Variants in EYS observed in about 807,000 individuals in gnomAD.
EYS encodes EGF-like photoreceptor maintenance factor.
EYS carries 250 observed loss-of-function variants against 282.1 expected under a neutral mutation model. The observed-to-expected ratio is 0.89, with a 90% CI of 0.80 to 0.98. The LOEUF is 0.98. EYS is among the 50% of genes least tolerant of loss of function. EYS has a pLI of 0.00. For synonymous variants in EYS, 1,355 were observed against 1,282.9 expected (o/e 1.06, Z -1.20); for missense variants, 4,016 against 3,709.0 (o/e 1.08, Z -2.15).
chr6:65,002,380 G>A lies in EYS; in HGVS notation c.2138-4677C>T, dbSNP rs564140832. Among the ~76,000 whole-genome samples the A allele has an allele frequency of 1.1e-3, 154 of 143,418 alleles. 9 individuals carry two copies. The highest frequency in any genetic ancestry group is 3.3e-3 in the African/African-American group (137 of 41,184). The allele number at this position is 143,418 out of a possible 152,430, so 94.1% of individuals were successfully genotyped here. ...TTATATCAAGAGCAGCAAAAATATG[G>A]CATATAGTCCACAGAACTGTTTTGC... On this transcript the variant is annotated intron_variant, in intron 13 of 42. Coordinates refer to ENST00000503581, the MANE Select transcript of EYS (RefSeq NM_001142800.2).
chr6:64,896,509 G>A (rs949791906), intron 18 of EYS, among the ~76,000 whole-genome samples: 15 of 150,666 alleles, frequency 1.0e-4, no homozygotes, highest in Middle Eastern at 3.4e-3. Flanking sequence ...CTGGGTGGCC[G>A]TTTGGGCAGA....
At chr6:64,632,101 A>T (rs1256695536) in intron 22 of EYS, among the ~76,000 whole-genome samples, 2 of 151,988 alleles carry the variant, frequency 1.3e-5, no homozygotes, top group African/African-American at 2.4e-5. Context: ...TCAACTTTAA[A>T]ATATTAACTC....
At chr6:64,451,430 A>G (rs1203353523) in intron 26 of EYS, among the ~76,000 whole-genome samples, 2 of 152,210 alleles carry the variant, frequency 1.3e-5, no homozygotes, top group African/African-American at 4.8e-5. Flanking sequence ...TACCAGAGGT[A>G]CAAGGAGGAG....
chr6:64,636,542 T>A (rs1582982037), intron 22 of EYS, among the ~76,000 whole-genome samples: 1 of 152,168 alleles, frequency 6.6e-6, no homozygotes, highest in African/African-American at 2.4e-5. Flanking sequence ...AAGGACTTCA[T>A]GTCTAAAACA....
At chr6:64,781,576 CAAA>C (rs5876923) in intron 22 of EYS, among the ~76,000 whole-genome samples, 5 of 87,710 alleles carry the variant, frequency 5.7e-5, no homozygotes, top group South Asian at 3.8e-4. Context: ...GACTCCGTCT[CAAA>C]AAAAAAAAAA....
chr6:65,362,700 C>G (rs1764759873), intron 8 of EYS, among the ~76,000 whole-genome samples: 1 of 151,828 alleles, frequency 6.6e-6, no homozygotes, highest in South Asian at 2.1e-4. Flanking sequence ...AGTTTCTTCC[C>G]CTTCTTAAAT....
At chr6:65,492,896 T>A (rs947590018) in intron 4 of EYS, among the ~76,000 whole-genome samples, 1 of 152,012 alleles carries the variant, frequency 6.6e-6, no homozygotes, top group African/African-American at 2.4e-5. Context: ...CTTATTGAGG[T>A]CTTCTATTAC....
At chr6:65,619,867 C>A (rs201418863) in intron 2 of EYS, among the ~76,000 whole-genome samples, 4 of 142,262 alleles carry the variant, frequency 2.8e-5, no homozygotes, top group African/African-American at 7.3e-5. Flanking sequence ...TATTGATTTG[C>A]GTATGTTGAA....
intron 13 of EYS, among the ~76,000 whole-genome samples, chr6:65,055,098 C>CA (rs779034259): frequency 1.3e-5 from 2 of 152,040 alleles, no homozygotes; most frequent in South Asian, 4.1e-4. Flanking sequence ...CCTCCTGCTT[C>CA]AGCCTCCTGA....
At chr6:63,777,134 A>G (rs1770086154) in intron 40 of EYS, among the ~76,000 whole-genome samples, 1 of 152,154 alleles carries the variant, frequency 6.6e-6, no homozygotes, top group African/African-American at 2.4e-5. Flanking sequence ...TTTTCTCCAC[A>G]AATTTTACTG....
Position 65,494,773 on chromosome 6 carries a change from TC to T in EYS, c.637del (p.Glu213AsnfsTer44), listed in dbSNP as rs1183936933. The T allele has an allele frequency of 6.2e-7, 1 of 1,614,152 alleles. No individual in the cohort carries two copies. On this transcript the variant is annotated frameshift_variant, in exon 4 of 43. Transcript: ENST00000503581. LOFTEE classifies it high-confidence loss of function. ...QPPFSGKYCQ[E>X]LDACSFKPCK... is the part of the protein sequence containing the mutation. ...TGGTTTAAAAGAACATGCATCAAGT[TC>T]CTGGCAGTATTTTCCAGAAAATGGA...
chr6:65,480,290 T>G (rs1765562059), intron 5 of EYS, among the ~76,000 whole-genome samples: 1 of 152,150 alleles, frequency 6.6e-6, no homozygotes, highest in Non-Finnish European at 1.5e-5. Context: ...TACATATCAC[T>G]AATAAAAAGA....
At chr6:65,610,235 T>G (rs1259058236) in intron 2 of EYS, among the ~76,000 whole-genome samples, 3 of 151,926 alleles carry the variant, frequency 2.0e-5, no homozygotes, top group Non-Finnish European at 4.4e-5. Flanking sequence ...TTGTTGGTGG[T>G]TTTTCTTTTT....
intron 30 of EYS, among the ~76,000 whole-genome samples, chr6:64,300,487 C>T (rs1162851661): frequency 6.6e-6 from 1 of 152,102 alleles, no homozygotes; most frequent in Admixed American, 6.5e-5. Context: ...GTTATTTCTC[C>T]CTTACTCCTA....
intron 12 of EYS, among the ~76,000 whole-genome samples, chr6:65,264,148 T>G (rs745851481): frequency 5.3e-5 from 8 of 152,108 alleles, no homozygotes; most frequent in Non-Finnish European, 1.2e-4. Flanking sequence ...TAACCAATGA[T>G]ATGTCTTTCC....
intron 22 of EYS, among the ~76,000 whole-genome samples, chr6:64,663,215 T>C (rs1769106622): frequency 6.6e-6 from 1 of 152,192 alleles, no homozygotes. Flanking sequence ...TAATTATGTA[T>C]GCTTGTAAAA....
At chr6:63,787,095 C>T (rs1770385510) in intron 39 of EYS, 2 of 152,030 alleles carry the variant, frequency 1.3e-5, no homozygotes, top group Non-Finnish European at 2.9e-5. Context: ...TCCAAGAAGA[C>T]TTGCCCAAGA....
chr6:64,138,739 A>G (rs1299404635), intron 31 of EYS, among the ~76,000 whole-genome samples: 2 of 152,218 alleles, frequency 1.3e-5, no homozygotes, highest in South Asian at 2.1e-4. Flanking sequence ...GCCTGCTTGT[A>G]CAAGTGGAAA....
At chr6:63,912,510 T>C (rs1166270990) in intron 35 of EYS, among the ~76,000 whole-genome samples, 2 of 152,226 alleles carry the variant, frequency 1.3e-5, no homozygotes, top group Non-Finnish European at 2.9e-5. Flanking sequence ...GTCCAGTGTG[T>C]ATTTTACACT....
Sources: gnomAD v4.1 joint callset for allele counts (sites outside exome capture counted in the v4.1 genomes callset) on GRCh38, gnomAD v4.1.1 for gene constraint, MANE v1.5 for transcripts, NCBI Gene and HGNC (gene_info 2026-07-23, HGNC 2026-07-21) for gene names.